The following ATAD1 variants were observed in gnomAD, a reference collection of about 807,000 sequenced individuals.
ATAD1 encodes ATPase family AAA domain containing 1, also known as outer mitochondrial transmembrane helix translocase.
In ATAD1, 18 loss-of-function variants were observed where a neutral mutation model predicts 42.7. That is an observed-to-expected ratio of 0.42 (90% CI 0.29 to 0.63). ATAD1 has a LOEUF of 0.63. Among genes scored for constraint, ATAD1 ranks in the 20% least tolerant of loss-of-function variants. The pLI, the probability that ATAD1 is intolerant of heterozygous loss-of-function variation, is 0.19. For missense variants in ATAD1, 294 were observed against 440.4 expected (o/e 0.67, Z 2.98); for synonymous variants, 132 against 143.1 (o/e 0.92, Z 0.55).
intron 5 of ATAD1, among the ~76,000 whole-genome samples, chr10:87,782,250 A>G (rs1371205863): frequency 6.6e-6 from 1 of 152,222 alleles, no homozygotes; most frequent in Non-Finnish European, 1.5e-5. Context: ...GCTGAATGTG[A>G]TTCTGTATCA....
chr10:87,836,667 G>T (rs1331105061), intron 1 of ATAD1, among the ~76,000 whole-genome samples: 1 of 152,070 alleles, frequency 6.6e-6, no homozygotes, highest in Non-Finnish European at 1.5e-5. Flanking sequence ...AGTTTCTTTG[G>T]TTATACCCTG....
At chr10:87,763,503 T>C (rs1453572840) in intron 8 of ATAD1, among the ~76,000 whole-genome samples, 1 of 152,120 alleles carries the variant, frequency 6.6e-6, no homozygotes, top group South Asian at 2.1e-4. Context: ...TACAAGAAGA[T>C]TTTTAAAAAA....
chr10:87,777,356 T>C (rs1162998101), intron 5 of ATAD1, among the ~76,000 whole-genome samples: 1 of 152,200 alleles, frequency 6.6e-6, no homozygotes, highest in Non-Finnish European at 1.5e-5. Flanking sequence ...AAAACATATA[T>C]GCTGGAATGT....
rs1436044835 is a variant in ATAD1, at chr10:87,784,815, A to G, written c.383-145T>C. Reference sequence around the variant, plus strand: ...TTTAATCTTGTTTATAGTAGGTAAGATAGAAGAAAGGAAGATGCCATGTTC... The same window carrying G: ...TTTAATCTTGTTTATAGTAGGTAAGGTAGAAGAAAGGAAGATGCCATGTTC... On this transcript the variant is annotated intron_variant, in intron 4 of 9. Transcript: ENST00000680024. 1.5e-5 allele frequency: 11 copies of G among 751,266 alleles called. No homozygotes were observed. In the South Asian group the frequency reaches 2.1e-4, roughly 14 times the overall value. 46.5% of individuals were successfully genotyped at this position (751,266 alleles called of 1,614,324 possible). A position where few individuals can be genotyped will look rare whatever the true frequency, so the allele number is the denominator to read the frequency against.
At chr10:87,818,924 G>T (rs1165898962), upstream of ATAD1, 2 of 152,264 alleles carry the variant, frequency 1.3e-5, no homozygotes, top group African/African-American at 4.8e-5. Context: ...GACACAAGAG[G>T]TCCCAAGGGA....
At chr10:87,819,996 T>C (rs1270353596), upstream of ATAD1, among the ~76,000 whole-genome samples, 1 of 150,258 alleles carries the variant, frequency 6.7e-6, no homozygotes, top group Non-Finnish European at 1.5e-5. Context: ...AAAAAAAAAA[T>C]GGATGTGAAG....
chr10:87,839,340 G>A (rs187913416), intron 1 of ATAD1, among the ~76,000 whole-genome samples: 4 of 152,248 alleles, frequency 2.6e-5, no homozygotes, highest in Admixed American at 2.6e-4. Context: ...TCTCTGAGAA[G>A]CTTGCCTCAA....
In ATAD1 at chr10:87,790,305, C is replaced by T. The variant is rs769528321; in HGVS notation, c.382+5G>A. ...GCTTTAGGCGAATATATACCTTTAC[C>T]ATACCTTTTGGAGGCTGCAGAAGCC... On this transcript the variant is annotated splice_donor_5th_base_variant and intron_variant, in intron 4 of 9. Coordinates refer to ENST00000680024, the MANE Select transcript of ATAD1 (RefSeq NM_001321967.2). The T allele has an allele frequency of 1.2e-6, 2 of 1,609,732 alleles. No individual in the cohort carries two copies. Among genetic ancestry groups the T allele is most frequent in the African/African-American group, 2.7e-5 (2 of 74,614 alleles).
At chr10:87,783,595 T>G (rs962679584) in intron 5 of ATAD1, among the ~76,000 whole-genome samples, 10 of 151,500 alleles carry the variant, frequency 6.6e-5, no homozygotes, top group African/African-American at 2.2e-4. Context: ...AAAACTACAG[T>G]AATAAAGCTA....
intron 1 of ATAD1, among the ~76,000 whole-genome samples, chr10:87,815,085 C>G (rs886920310): frequency 6.6e-6 from 1 of 151,926 alleles, no homozygotes; most frequent in African/African-American, 2.4e-5. Context: ...TCACTTTTTC[C>G]TCATACATAC....
chr10:87,780,616 G>C (rs1337307938), intron 5 of ATAD1, among the ~76,000 whole-genome samples: 1 of 152,048 alleles, frequency 6.6e-6, no homozygotes, highest in Admixed American at 6.5e-5. Context: ...AAAGGTTAAT[G>C]AAGATATGAG....
intron 8 of ATAD1, among the ~76,000 whole-genome samples, chr10:87,758,271 T>C (rs139618643): frequency 4.1e-4 from 63 of 152,146 alleles, no homozygotes; most frequent in African/African-American, 1.3e-3. Flanking sequence ...AATACATAGG[T>C]ACCACTAAAG....
intron 7 of ATAD1, among the ~76,000 whole-genome samples, chr10:87,768,592 A>G (rs1854877779): frequency 6.6e-6 from 1 of 152,224 alleles, no homozygotes; most frequent in East Asian, 1.9e-4. Context: ...ACTAACCTAT[A>G]AAGCGTATTC....
chr10:87,780,628 T>C (rs1175670370), intron 5 of ATAD1, among the ~76,000 whole-genome samples: 1 of 151,962 alleles, frequency 6.6e-6, no homozygotes, highest in East Asian at 1.9e-4. Context: ...AGATATGAGG[T>C]TGCAAGAAAC....
chr10:87,809,756 A>G (rs906950170), intron 2 of ATAD1, among the ~76,000 whole-genome samples: 41 of 151,868 alleles, frequency 2.7e-4, no homozygotes, highest in African/African-American at 7.7e-4. Flanking sequence ...TCCTGGATTC[A>G]AGCGATTCTC....
Position 87,758,236 on chromosome 10 carries a change from C to A in ATAD1, c.832-1314G>T, listed in dbSNP as rs11202542. On this transcript the variant is annotated intron_variant, in intron 8 of 9. Coordinates refer to ENST00000680024, the MANE Select transcript of ATAD1 (RefSeq NM_001321967.2). ...AAAAAGAGGGTACAGATATTATTAA[C>A]TTAGACTTTATGTATGTATGTCAAA... 7.5e-3 allele frequency among the ~76,000 whole-genome samples: 1,113 copies of A among 149,370 alleles called. 9 individuals carry two copies. Among genetic ancestry groups the A allele is most frequent in the African/African-American group, 0.027 (1,067 of 39,028 alleles).
At chr10:87,765,760 T>A (rs2131788439) in intron 8 of ATAD1, among the ~76,000 whole-genome samples, 1 of 152,314 alleles carries the variant, frequency 6.6e-6, no homozygotes, top group East Asian at 1.9e-4. Context: ...CCAGCTGTGG[T>A]GGTTCATGCC....
chr10:87,780,201 C>T (rs954099111), intron 5 of ATAD1, among the ~76,000 whole-genome samples: 1 of 151,940 alleles, frequency 6.6e-6, no homozygotes, highest in Non-Finnish European at 1.5e-5. Flanking sequence ...GGGAAAGAAG[C>T]CAGTCTGAAA....
intron 2 of ATAD1, among the ~76,000 whole-genome samples, chr10:87,806,047 G>A (rs946850656): frequency 8.6e-5 from 13 of 151,996 alleles, no homozygotes; most frequent in African/African-American, 3.1e-4. Context: ...GTGAGAAGAG[G>A]GATAACCAAA....
Sources: gnomAD v4.1 joint callset for allele counts (sites outside exome capture counted in the v4.1 genomes callset) on GRCh38, gnomAD v4.1.1 for gene constraint, MANE v1.5 for transcripts, NCBI Gene and HGNC (gene_info 2026-07-23, HGNC 2026-07-21) for gene names.